SASH1: variants seen among roughly 807,000 people sequenced by gnomAD.
The protein encoded by SASH1 is SAM and SH3 domain-containing protein 1.
In SASH1, 44 loss-of-function variants were observed where a neutral mutation model predicts 125.2. The observed-to-expected ratio is 0.35, with a 90% CI of 0.28 to 0.45. The LOEUF (loss-of-function observed/expected upper bound fraction) is 0.45. Among genes scored for constraint, SASH1 ranks in the 20% least tolerant of loss-of-function variants. SASH1 has a pLI of 1.00. For synonymous variants in SASH1, 639 were observed against 649.1 expected (o/e 0.98, Z 0.24); for missense variants, 1,426 against 1,614.5 (o/e 0.88, Z 2.00).
At chr6:148,528,714 A>G (rs955729444) in intron 12 of SASH1, among the ~76,000 whole-genome samples, 1 of 152,170 alleles carries the variant, frequency 6.6e-6, no homozygotes, top group Non-Finnish European at 1.5e-5. Context: ...GCAGTGCCCA[A>G]TCTTTTTGCA....
rs545007938 is a variant in SASH1, at chr6:148,507,692, A to G, written c.730-6632A>G. Among the ~76,000 whole-genome samples, 3 of 152,252 alleles carry G rather than the reference A, an allele frequency of 2.0e-5. No homozygotes were observed. In the East Asian group the frequency reaches 5.8e-4, roughly 29 times the overall value. On this transcript the variant is annotated intron_variant, in intron 8 of 19. Coordinates refer to ENST00000367467, the MANE Select transcript of SASH1 (RefSeq NM_015278.5). ...TTTAGGTAACCTCTGAATCCTGTCC[A>G]ACTCTAAACTTCTGCCATTTTAAGG... is the stretch of plus-strand genomic sequence containing the variant.
chr6:148,284,866 T>A (rs993373758), intron 1 of SASH1, among the ~76,000 whole-genome samples: 4 of 152,214 alleles, frequency 2.6e-5, no homozygotes, highest in African/African-American at 9.7e-5. Flanking sequence ...AGAGTCCCAA[T>A]AGAAATGGCA....
intron 1 of SASH1, among the ~76,000 whole-genome samples, chr6:148,358,860 C>CGAGTAG (rs1210795961): frequency 1.3e-5 from 2 of 151,260 alleles, no homozygotes; most frequent in Non-Finnish European, 2.9e-5. Context: ...CTCAGCCTCC[C>CGAGTAG]GAGTAGCTGG....
At chr6:148,535,902 T>C (rs1781815553) in intron 16 of SASH1, among the ~76,000 whole-genome samples, 1 of 152,174 alleles carries the variant, frequency 6.6e-6, no homozygotes, top group African/African-American at 2.4e-5. Context: ...AATTATACAT[T>C]ACTGAAATGT....
intron 7 of SASH1, among the ~76,000 whole-genome samples, chr6:148,483,771 A>C (rs568241214): frequency 6.6e-6 from 1 of 152,140 alleles, no homozygotes; most frequent in Non-Finnish European, 1.5e-5. Context: ...TTATAAAGTC[A>C]TTAAGGTAAT....
chr6:148,365,449 C>T lies in SASH1; in HGVS notation c.156+22226C>T, dbSNP rs34096605. 5.7e-3 allele frequency among the ~76,000 whole-genome samples: 854 copies of T among 150,222 alleles called. 7 individuals are homozygous for T. The highest frequency in any genetic ancestry group is 6.9e-3 in the Non-Finnish European group (470 of 67,782). On this transcript the variant is annotated intron_variant, in intron 1 of 19. Coordinates refer to ENST00000367467, the MANE Select transcript of SASH1 (RefSeq NM_015278.5). ...TTTAACTGAGACATCTTGCAGGGCA[C>T]AGAGTTCTCTGCAAAGATATTGTTG...
At position 148,382,774 on chromosome 6, in the gene SASH1, C is replaced by T. The variant is rs551944210; in HGVS notation, c.157-7360C>T. ...AATAGCATCACCATGACCGTATATG[C>T]CAAAGCCAGGATTTGACATGGGTGC... is the stretch of plus-strand genomic sequence containing the variant. On this transcript the variant is annotated intron_variant, in intron 1 of 19. Coordinates refer to ENST00000367467, the MANE Select transcript of SASH1 (RefSeq NM_015278.5). Among the ~76,000 whole-genome samples the T allele has an allele frequency of 1.3e-3, 196 of 152,238 alleles. 1 individual carries two copies. The highest frequency in any genetic ancestry group is 4.6e-3 in the African/African-American group (193 of 41,520).
the SASH1 span, among the ~76,000 whole-genome samples, chr6:148,226,715 G>T: frequency 2.0e-5 from 3 of 152,156 alleles, no homozygotes; most frequent in African/African-American, 7.2e-5. Flanking sequence ...AATGGCTGTT[G>T]TAAGTACACT....
intron 12 of SASH1, among the ~76,000 whole-genome samples, 198 bp from the exon 13 acceptor site, chr6:148,531,328 T>C (rs986503414): frequency 6.6e-6 from 1 of 152,208 alleles, no homozygotes; most frequent in African/African-American, 2.4e-5. Flanking sequence ...ATTTGAGTGC[T>C]TAATAAATAG....
the SASH1 span, among the ~76,000 whole-genome samples, chr6:148,256,655 A>G: frequency 3.3e-5 from 5 of 152,158 alleles, no homozygotes; most frequent in Non-Finnish European, 5.9e-5. Flanking sequence ...GACCCTTTTG[A>G]TAGAAAAGCA....
chr6:148,349,252 C>CTTTT (rs11317386), intron 1 of SASH1, among the ~76,000 whole-genome samples: 793 of 46,840 alleles, frequency 0.017, 6 homozygotes, highest in Non-Finnish European at 0.019. Context: ...TTCTTTCTTT[C>CTTTT]TTTTTTTTTT....
At chr6:148,243,651 C>CAAAAA in the SASH1 span, among the ~76,000 whole-genome samples, 2 of 70,292 alleles carry the variant, frequency 2.8e-5, no homozygotes, top group Non-Finnish European at 2.6e-5. Flanking sequence ...AACTGTGTCT[C>CAAAAA]AAAAAAAAAA....
chr6:148,490,024 A>C (rs1394507152), intron 8 of SASH1, among the ~76,000 whole-genome samples: 5 of 146,706 alleles, frequency 3.4e-5, no homozygotes, highest in African/African-American at 5.0e-5. Context: ...AAAAAAAAAA[A>C]AAAAAAAAAC....
rs1318506825 is a variant in SASH1, at chr6:148,532,961, C to T, written c.1729C>T (p.Leu577Phe). ...PSPYDTDSLK[L>F]KKGDIIDIIS... ...TCCCTATGACACAGACTCACTCAAG[C>T]TCAAGGTATCTCTCTCCCTGGCCTC... The change falls in exon 14 of 20, where the codon CTC (leucine) becomes TTC (phenylalanine). Residue 577 changes from leucine to phenylalanine, a missense_variant. This residue lies in a region of SASH1 where 225 missense variants were observed against 344.5 expected (regional missense o/e 0.65). Coordinates refer to ENST00000367467, the MANE Select transcript of SASH1 (RefSeq NM_015278.5). The surrounding 1 kb of genome is among the most constrained non-coding windows in gnomAD (Gnocchi z 4.7). 6.2e-7 allele frequency: 1 copy of T among 1,613,742 alleles called. No homozygotes were observed. The highest frequency in any genetic ancestry group is 1.1e-5 in the South Asian group (1 of 91,068).
intron 1 of SASH1, among the ~76,000 whole-genome samples, chr6:148,373,995 G>A (rs9373557): frequency 0.38 from 57,361 of 151,938 alleles, 11,042 homozygotes; most frequent in Admixed American, 0.49. Flanking sequence ...CAACAACAAG[G>A]ACAACAACAA....
intron 7 of SASH1, among the ~76,000 whole-genome samples, chr6:148,478,178 A>G (rs1778454202): frequency 6.6e-6 from 1 of 152,202 alleles, no homozygotes; most frequent in Non-Finnish European, 1.5e-5. Flanking sequence ...TCCCACTGCT[A>G]GTATCTACCC....
Position 148,550,197 on chromosome 6 carries a change from C to T in SASH1, c.*1639C>T, listed in dbSNP as rs1782810639. 2 of 152,166 alleles carry T rather than the reference C, an allele frequency of 1.3e-5. No homozygotes were observed. The highest frequency in any genetic ancestry group is 1.3e-4 in the Admixed American group (2 of 15,276). The allele number at this position is 152,166 out of a possible 1,614,324, so 9.4% of individuals were successfully genotyped here. A position where few individuals can be genotyped will look rare whatever the true frequency, so the allele number is the denominator to read the frequency against. The stretch of plus-strand genomic sequence containing the variant: ...AAACTATTATGGTTTCCATTGCTTA[C>T]AAAATGATTTTCCTTTACATTCTTA... On this transcript the variant is annotated 3_prime_UTR_variant, in exon 20 of 20. Transcript: ENST00000367467.
intron 1 of SASH1, among the ~76,000 whole-genome samples, chr6:148,381,568 C>T (rs888096900): frequency 1.3e-5 from 2 of 149,732 alleles, no homozygotes; most frequent in Non-Finnish European, 3.0e-5. Context: ...GTGTGGGCCC[C>T]CATGGCTGTT....
chr6:148,426,315 G>A (rs745996430), intron 2 of SASH1, among the ~76,000 whole-genome samples: 3 of 151,846 alleles, frequency 2.0e-5, no homozygotes, highest in Admixed American at 1.3e-4. Flanking sequence ...TCAGGGGACC[G>A]CTGTGGGGAA....
Sources: gnomAD v4.1 joint callset for allele counts (sites outside exome capture counted in the v4.1 genomes callset) on GRCh38, gnomAD v4.1.1 for gene constraint, gnomAD v4.1.1 regional missense constraint, Gnocchi (gnomAD v3.1) non-coding constraint, MANE v1.5 for transcripts, NCBI Gene and HGNC (gene_info 2026-07-23, HGNC 2026-07-21) for gene names.